OTOGL: variants seen among roughly 807,000 people sequenced by gnomAD.
OTOGL encodes the protein otogelin-like protein.
A neutral mutation model predicts 318.5 loss-of-function variants in OTOGL; 285 were observed. The ratio of observed to expected loss-of-function variants is 0.89; its 90% CI spans 0.81 to 0.99. The LOEUF (loss-of-function observed/expected upper bound fraction) is 0.99. Among genes scored for constraint, OTOGL ranks in the 50% least tolerant of loss-of-function variants. The pLI is 0.00. For missense variants in OTOGL, 2,899 were observed against 2,845.6 expected (o/e 1.02, Z -0.43); for synonymous variants, 987 against 936.5 (o/e 1.05, Z -0.99).
intron 1 of OTOGL, among the ~76,000 whole-genome samples, chr12:80,205,753 G>A (rs570756196): frequency 2.6e-5 from 4 of 152,254 alleles, no homozygotes; most frequent in South Asian, 4.1e-4. Flanking sequence ...GTGATATTAC[G>A]GGAGTCAAAT....
chr12:80,139,449 T>C (rs1871787093), intron 1 of OTOGL, among the ~76,000 whole-genome samples: 1 of 152,200 alleles, frequency 6.6e-6, no homozygotes, highest in South Asian at 2.1e-4. Context: ...TGGCACAACT[T>C]CATTTTTTGC....
Position 80,336,055 on chromosome 12 carries a change from G to A in OTOGL, c.4515G>A (p.Lys1505=), listed in dbSNP as rs1339131285. ...ACAACTGGTCCCTTAATTGCCCAAA[G>A]GACGTGGAAATGCCTGACTGTGGTT... The part of the protein sequence containing the change: ...QLYNWSLNCP[K]DVEMPDCGFR... The change falls in exon 39 of 59, where the codon AAG becomes AAA. Residue 1505 remains lysine (K), a synonymous_variant. Coordinates refer to ENST00000547103, the MANE Select transcript of OTOGL (RefSeq NM_001378609.3). 6.3e-7 allele frequency: 1 copy of A among 1,598,666 alleles called. No individual in the cohort carries two copies. The highest frequency in any genetic ancestry group is 8.5e-7 in the Non-Finnish European group (1 of 1,179,410).
At position 80,159,369 on chromosome 12, in the gene OTOGL, C is replaced by A. The variant is rs568150681; in HGVS notation, c.-19-50044C>A. On this transcript the variant is annotated intron_variant, in intron 1 of 58. Coordinates refer to ENST00000547103, the MANE Select transcript of OTOGL (RefSeq NM_001378609.3). ...TCATAGAATCATTTAGGGAGGATTC[C>A]CTCTTTCTCTATCTTGCAGAATAGT... Among the ~76,000 whole-genome samples, 41 of 152,094 alleles carry A rather than the reference C, an allele frequency of 2.7e-4. No homozygotes were observed. The South Asian group carries it at 2.7e-3, about 10-fold the overall frequency.
intron 1 of OTOGL, among the ~76,000 whole-genome samples, chr12:80,158,271 A>G (rs1215269445): frequency 6.6e-6 from 1 of 152,098 alleles, no homozygotes; most frequent in Admixed American, 6.6e-5. Flanking sequence ...GACTTTATTT[A>G]TAAGTTTCTT....
At chr12:80,194,431 C>A (rs192918525) in intron 1 of OTOGL, among the ~76,000 whole-genome samples, 2 of 152,108 alleles carry the variant, frequency 1.3e-5, no homozygotes, top group African/African-American at 4.8e-5. Context: ...CTTCTAATTG[C>A]AAATTTAAAT....
chr12:80,346,764 C>T (rs531122200), intron 44 of OTOGL, among the ~76,000 whole-genome samples: 7 of 152,142 alleles, frequency 4.6e-5, no homozygotes, highest in South Asian at 4.1e-4. Context: ...GACAGCAGCA[C>T]GTTCAGAAAA....
chr12:80,189,358 C>A, intron 1 of OTOGL: 1 of 842,230 alleles, frequency 1.2e-6, no homozygotes, highest in Non-Finnish European at 1.4e-6. Context: ...GGATATCAAG[C>A]ATGCCTCTGA....
Position 80,358,259 on chromosome 12 carries a change from T to C in OTOGL, c.6031T>C (p.Cys2011Arg). ...TTGTTTTACCTTAGTTTGTGAATCT[T>C]GCACCAAACCTGTTCCACTATGTCA... ...CFSPFCVCES[C>R]TKPVPLCHDG... The change falls in exon 50 of 59, where the codon TGC becomes CGC. Residue 2011 changes from cysteine (C) to arginine (R), a missense_variant. Physicochemically the swap from Cys to Arg is radical, Grantham distance 180. Transcript: ENST00000547103. The C allele has an allele frequency of 6.2e-7, 1 of 1,610,476 alleles. No individual in the cohort carries two copies.
Position 80,266,494 on chromosome 12 carries a change from G to T in OTOGL, c.2268G>T (p.Ser756=). The T allele has an allele frequency of 1.2e-6, 2 of 1,613,484 alleles. No homozygotes were observed. Among genetic ancestry groups the T allele is most frequent in the Non-Finnish European group, 1.7e-6 (2 of 1,179,688 alleles). The change falls in exon 21 of 59, where the codon TCG becomes TCT. Residue 756 remains serine, a synonymous_variant. Coordinates refer to ENST00000547103, the MANE Select transcript of OTOGL (RefSeq NM_001378609.3). Reference sequence around the variant, plus strand: ...GCATGCTGTACCATCACTGTTCCTCGTTCTGCCTCCATTCCTGCATTTCTC... The same window carrying T: ...GCATGCTGTACCATCACTGTTCCTCTTTCTGCCTCCATTCCTGCATTTCTC... ...QKGMLYHHCS[S]FCLHSCISLS...
chr12:80,192,441 C>G (rs1303878707), intron 1 of OTOGL, among the ~76,000 whole-genome samples: 1 of 152,220 alleles, frequency 6.6e-6, no homozygotes, highest in Non-Finnish European at 1.5e-5. Context: ...TCTTTGCTCT[C>G]ACCGTGTGAT....
rs553953537 is a variant in OTOGL, at chr12:80,190,043, G to A, written c.-19-19370G>A. On this transcript the variant is annotated intron_variant, in intron 1 of 58. Coordinates refer to ENST00000547103, the MANE Select transcript of OTOGL (RefSeq NM_001378609.3). ...CATCTCCGGCCCCATTTTTGTAGCC[G>A]GCTGAAATATTACAGATATTGCATT... is the stretch of plus-strand genomic sequence containing the variant. Among the ~76,000 whole-genome samples the A allele has an allele frequency of 2.0e-5, 3 of 152,268 alleles. No individual in the cohort carries two copies. The East Asian group carries it at 5.8e-4, about 29-fold the overall frequency.
chr12:80,353,007 T>A (rs1442513519), intron 45 of OTOGL, among the ~76,000 whole-genome samples: 1 of 152,218 alleles, frequency 6.6e-6, no homozygotes, highest in South Asian at 2.1e-4. Context: ...AATAGTTGAT[T>A]GTATATTTAT....
intron 35 of OTOGL, among the ~76,000 whole-genome samples, chr12:80,325,072 T>C (rs1200407385): frequency 1.3e-5 from 2 of 151,956 alleles, no homozygotes; most frequent in East Asian, 1.9e-4. Context: ...ATAAAGGAGA[T>C]ATGGATCAAT....
intron 1 of OTOGL, among the ~76,000 whole-genome samples, chr12:80,142,613 T>C (rs1872026597): frequency 6.6e-6 from 1 of 152,154 alleles, no homozygotes; most frequent in African/African-American, 2.4e-5. Flanking sequence ...CAGGAGATAA[T>C]GTCTGTCCCT....
rs1417794019 is a variant in OTOGL at position 80,278,171 on chromosome 12, G to A, written c.2685G>A (p.Met895Ile). Reference protein sequence around the residue: ...CISGCVCAPGMAEHRGKCYVP... With the variant: ...CISGCVCAPGIAEHRGKCYVP... ...CATTTTATTCTTCATTTGGAAGAAT[G>A]GCAGAGCACAGAGGAAAGTGTTATG... The change falls in exon 25 of 59, where the codon ATG becomes ATA. Residue 895 changes from methionine (M) to isoleucine (I), a missense_variant. By Grantham distance (10) the Met-to-Ile change is conservative (BLOSUM62 1). Transcript: ENST00000547103. 1 of 1,543,778 alleles carries A rather than the reference G, an allele frequency of 6.5e-7. No homozygotes were observed. Among genetic ancestry groups the A allele is most frequent in the Admixed American group, 2.0e-5 (1 of 50,756 alleles).
chr12:80,239,854 C>T (rs1356603812), intron 11 of OTOGL, among the ~76,000 whole-genome samples: 2 of 151,916 alleles, frequency 1.3e-5, no homozygotes, highest in Non-Finnish European at 2.9e-5. Context: ...ACATTGTACC[C>T]ATAAGTAATC....
chr12:80,128,927 G>T (rs1287940669), intron 1 of OTOGL, among the ~76,000 whole-genome samples: 1 of 152,140 alleles, frequency 6.6e-6, no homozygotes, highest in Non-Finnish European at 1.5e-5. Flanking sequence ...GATTTTCCAG[G>T]TGCCATCTGT....
chr12:80,293,058 T>C (rs1885151858), intron 26 of OTOGL, among the ~76,000 whole-genome samples: 1 of 152,216 alleles, frequency 6.6e-6, no homozygotes, highest in Non-Finnish European at 1.5e-5. Context: ...AAATTAGTCA[T>C]TTAATCAAAG....
chr12:80,355,461 C>A (rs982077387), intron 46 of OTOGL, among the ~76,000 whole-genome samples: 2 of 151,932 alleles, frequency 1.3e-5, no homozygotes, highest in Admixed American at 6.6e-5. Flanking sequence ...TGGCCTGAAG[C>A]AGTCCTCCCT....
Sources: gnomAD v4.1 joint callset for allele counts (sites outside exome capture counted in the v4.1 genomes callset) on GRCh38, gnomAD v4.1.1 for gene constraint, MANE v1.5 for transcripts, NCBI Gene and HGNC (gene_info 2026-07-23, HGNC 2026-07-21) for gene names.